The following GRM8 variants were observed in gnomAD, a reference collection of about 807,000 sequenced individuals.
GRM8 encodes metabotropic glutamate receptor 8.
A neutral mutation model predicts 87.2 loss-of-function variants in GRM8; 47 were observed. The observed-to-expected ratio is 0.54, with a 90% CI of 0.43 to 0.69. The LOEUF (loss-of-function observed/expected upper bound fraction) is 0.69. Ranked by LOEUF, GRM8 falls within the 30% of genes least tolerant of loss-of-function variation. The probability of loss-of-function intolerance (pLI) is 0.00; values close to 1 mark genes in which losing one functional copy is unlikely to be tolerated. For synonymous variants in GRM8, 396 were observed against 404.5 expected, an observed-to-expected ratio of 0.98 and a Z score of 0.25; for missense variants, 1,019 against 1,139.2, an observed-to-expected ratio of 0.89 and a Z score of 1.52.
chr7:126,861,417 C>CTACTATTATAGGGAAAAT (rs1798124204), intron 6 of GRM8, among the ~76,000 whole-genome samples: 2 of 151,952 alleles, frequency 1.3e-5, no homozygotes, highest in African/African-American at 4.8e-5. Context: ...GAGAATTTCC[C>CTACTATTATAGGGAAAAT]TACTATTACT....
chr7:127,159,100 G>A (rs563641223), intron 2 of GRM8, among the ~76,000 whole-genome samples: 1 of 152,186 alleles, frequency 6.6e-6, no homozygotes, highest in Non-Finnish European at 1.5e-5. Flanking sequence ...AGTGGTTACA[G>A]CTGCTCAGTG....
intron 3 of GRM8, among the ~76,000 whole-genome samples, chr7:126,920,517 G>T (rs1804408421): frequency 6.6e-6 from 1 of 152,110 alleles, no homozygotes; most frequent in African/African-American, 2.4e-5. Context: ...TGGGGATGAG[G>T]CCAACAGAAA....
At chr7:126,452,637 C>T (rs1802753031) in intron 9 of GRM8, among the ~76,000 whole-genome samples, 1 of 151,432 alleles carries the variant, frequency 6.6e-6, no homozygotes, top group South Asian at 2.1e-4. Flanking sequence ...TCATAGCAAT[C>T]TCTAGGCTGG....
chr7:127,197,863 A>T (rs571560217), intron 2 of GRM8, among the ~76,000 whole-genome samples: 1 of 152,240 alleles, frequency 6.6e-6, no homozygotes, highest in Admixed American at 6.5e-5. Context: ...TACTCTATAA[A>T]CTTACCTCCT....
intron 6 of GRM8, among the ~76,000 whole-genome samples, chr7:126,900,290 C>T (rs1801941934): frequency 2.0e-5 from 3 of 152,100 alleles, no homozygotes; most frequent in Non-Finnish European, 4.4e-5. Flanking sequence ...TTTTATATTT[C>T]CTCTGTTAAC....
At chr7:126,725,229 T>C (rs1234172004) in intron 7 of GRM8, among the ~76,000 whole-genome samples, 2 of 152,216 alleles carry the variant, frequency 1.3e-5, no homozygotes, top group African/African-American at 2.4e-5. Context: ...TTAACTTAGA[T>C]TGTGAATAAT....
intron 3 of GRM8, among the ~76,000 whole-genome samples, chr7:127,085,060 A>G (rs1163396987): frequency 2.6e-5 from 4 of 152,228 alleles, no homozygotes; most frequent in East Asian, 1.9e-4. Flanking sequence ...GAGAACATGC[A>G]GTGTTTGGTT....
intron 3 of GRM8, among the ~76,000 whole-genome samples, chr7:126,957,891 C>G (rs1808898650): frequency 6.6e-6 from 1 of 152,220 alleles, no homozygotes; most frequent in Admixed American, 6.5e-5. Context: ...GTGGAGTCCG[C>G]AGCCAGAAGT....
rs139336275 is a variant in GRM8 at position 126,525,693 on chromosome 7, C to G, written c.2430+7259G>C. Among the ~76,000 whole-genome samples the G allele has an allele frequency of 5.1e-3, 782 of 152,278 alleles. 8 individuals carry two copies. Among genetic ancestry groups the G allele is most frequent in the African/African-American group, 0.018 (751 of 41,570 alleles). On this transcript the variant is annotated intron_variant, in intron 9 of 10. Coordinates refer to ENST00000339582, the MANE Select transcript of GRM8 (RefSeq NM_000845.3). ...TGGCTTTTACTTTCTGAGAGTTTCT[C>G]AGTTTTACCAAATGTTTGTTCTAAC...
At chr7:127,133,542 T>C (rs1827797688) in intron 2 of GRM8, among the ~76,000 whole-genome samples, 2 of 149,948 alleles carry the variant, frequency 1.3e-5, no homozygotes, top group African/African-American at 4.9e-5. Context: ...CCGTCTCTAC[T>C]AAACATACAA....
At chr7:127,104,349 T>C (rs765141641) in intron 3 of GRM8, among the ~76,000 whole-genome samples, 7 of 152,162 alleles carry the variant, frequency 4.6e-5, no homozygotes, top group African/African-American at 1.4e-4. Context: ...ACAGAACTAA[T>C]GAATTTTCAT....
chr7:126,954,972 A>T (rs1273255701), intron 3 of GRM8, among the ~76,000 whole-genome samples: 2 of 152,196 alleles, frequency 1.3e-5, no homozygotes, highest in East Asian at 3.8e-4. Flanking sequence ...TTTTCCTGTA[A>T]TCCCCAAATA....
chr7:126,674,313 C>A (rs1216740692), intron 7 of GRM8, among the ~76,000 whole-genome samples: 1 of 152,154 alleles, frequency 6.6e-6, no homozygotes, highest in East Asian at 1.9e-4. Flanking sequence ...AAGCTGATAA[C>A]GTTTACTGTG....
chr7:126,814,534 C>G (rs538923418), intron 6 of GRM8, among the ~76,000 whole-genome samples: 2 of 152,082 alleles, frequency 1.3e-5, no homozygotes, highest in East Asian at 3.9e-4. Flanking sequence ...GATGGCTGAT[C>G]CAAAACCTCC....
At chr7:126,997,438 G>A (rs1231026242) in intron 3 of GRM8, among the ~76,000 whole-genome samples, 1 of 148,614 alleles carries the variant, frequency 6.7e-6, no homozygotes, top group Non-Finnish European at 1.5e-5. Flanking sequence ...ATAAACATCA[G>A]AGCAGAAATA....
intron 3 of GRM8, among the ~76,000 whole-genome samples, chr7:126,970,136 G>T (rs1810270325): frequency 6.6e-6 from 1 of 151,994 alleles, no homozygotes; most frequent in Non-Finnish European, 1.5e-5. Flanking sequence ...ACTTCTTAAG[G>T]GCCCTAGGGT....
chr7:126,833,945 G>A (rs1363646186), intron 6 of GRM8, among the ~76,000 whole-genome samples: 1 of 152,242 alleles, frequency 6.6e-6, no homozygotes, highest in South Asian at 2.1e-4. Flanking sequence ...TGATGTAAGG[G>A]TCCACTGGCC....
intron 8 of GRM8, among the ~76,000 whole-genome samples, chr7:126,539,137 T>C (rs1201712298): frequency 6.6e-6 from 1 of 152,002 alleles, no homozygotes; most frequent in Non-Finnish European, 1.5e-5. Flanking sequence ...CGAAGACTTC[T>C]CCTATTTTAA....
At chr7:127,027,396 A>G in intron 3 of GRM8, among the ~76,000 whole-genome samples, 1 of 152,172 alleles carries the variant, frequency 6.6e-6, no homozygotes, top group East Asian at 1.9e-4. Context: ...CTTGACAGGG[A>G]TAGCATTGAA....
Sources: allele counts gnomAD v4.1 joint callset (sites outside exome capture counted in the v4.1 genomes callset), GRCh38; gene constraint gnomAD v4.1.1; transcripts MANE v1.5; gene names NCBI Gene and HGNC (gene_info 2026-07-23, HGNC 2026-07-21).